TOM1: variants seen among roughly 807,000 people sequenced by gnomAD.
TOM1 encodes target of Myb protein 1.
In TOM1, 38 loss-of-function variants were observed where a neutral mutation model predicts 61.3. The observed-to-expected ratio is 0.62, with a 90% confidence interval of 0.48 to 0.81. The LOEUF (loss-of-function observed/expected upper bound fraction) is 0.81. Among genes scored for constraint, TOM1 ranks in the 40% least tolerant of loss-of-function variants. The pLI is 0.00. For synonymous variants in TOM1, 270 were observed against 268.8 expected (o/e 1.00, Z -0.04); for missense variants, 591 against 659.6 (o/e 0.90, Z 1.14).
At chr22:35,341,665 T>G (rs1045623073) in intron 12 of TOM1, among the ~76,000 whole-genome samples, 1 of 152,138 alleles carries the variant, frequency 6.6e-6, no homozygotes, top group Admixed American at 6.5e-5. Context: ...CAGGGTTCAC[T>G]TCCCTAGGGG....
chr22:35,323,308 G>T lies in TOM1; in HGVS notation c.366+131G>T. The T allele has an allele frequency of 1.4e-6, 2 of 1,432,278 alleles. No individual in the cohort carries two copies. Among genetic ancestry groups the T allele is most frequent in the Non-Finnish European group, 1.9e-6 (2 of 1,051,570 alleles). 88.7% of individuals were successfully genotyped at this position (1,432,278 alleles called of 1,614,324 possible). A position where few individuals can be genotyped will look rare whatever the true frequency, so the allele number is the denominator to read the frequency against. ...CTCATTTCGGGGCGTCTCGGTTGTC[G>T]GCTGGTGGGATGTTCTGTGGGGAGG... is the stretch of plus-strand genomic sequence containing the variant. On this transcript the variant is annotated intron_variant, in intron 4 of 14. Coordinates refer to ENST00000449058, the MANE Select transcript of TOM1 (RefSeq NM_005488.3). The surrounding 1 kb of genome is among the most constrained non-coding windows in gnomAD (Gnocchi z 4.2).
intron 12 of TOM1, among the ~76,000 whole-genome samples, chr22:35,340,237 G>A (rs1243665476): frequency 6.6e-6 from 1 of 152,210 alleles, no homozygotes; most frequent in African/African-American, 2.4e-5. Flanking sequence ...TGGGGCCGAG[G>A]AGGCTAGAGG....
upstream of TOM1, chr22:35,299,540 C>T (rs1925517639): frequency 7.7e-6 from 2 of 261,176 alleles, no homozygotes; most frequent in Non-Finnish European, 1.5e-5. Flanking sequence ...AGGGCTATGA[C>T]CCTAAGAGTC....
chr22:35,323,703 C>T lies in TOM1; in HGVS notation c.502-65C>T, dbSNP rs1363148731. The T allele has an allele frequency of 6.2e-7, 1 of 1,606,716 alleles. No homozygotes were observed. On this transcript the variant is annotated intron_variant, in intron 5 of 14. Transcript: ENST00000449058. The surrounding 1 kb of genome is among the most constrained non-coding windows in gnomAD (Gnocchi z 4.2). Reference sequence around the variant, plus strand: ...ATCCCCAGAGACATCACCAGGCTGGCCCCTGACTTCCTGGGCTCTTGATGT... The same window carrying T: ...ATCCCCAGAGACATCACCAGGCTGGTCCCTGACTTCCTGGGCTCTTGATGT...
chr22:35,307,699 T>C (rs1248637878), intron 1 of TOM1, among the ~76,000 whole-genome samples: 3 of 152,000 alleles, frequency 2.0e-5, no homozygotes, highest in Non-Finnish European at 4.4e-5. Context: ...GCCTGGAGTC[T>C]TCCCAGAAGG....
chr22:35,330,156 C>T (rs1389660749), intron 7 of TOM1, among the ~76,000 whole-genome samples, 191 bp from the exon 8 acceptor site: 2 of 152,064 alleles, frequency 1.3e-5, no homozygotes, highest in Non-Finnish European at 2.9e-5. Context: ...TGGTGGCAGA[C>T]GCCTGTAGTC....
chr22:35,334,230 C>T (rs1425847460), intron 10 of TOM1, 98 bp from the exon 11 acceptor site: 2 of 1,503,130 alleles, frequency 1.3e-6, no homozygotes, highest in Non-Finnish European at 1.8e-6. Context: ...GTGCCACTTC[C>T]CCAGCACCAA....
chr22:35,315,674 G>A lies in TOM1; in HGVS notation c.53-2203G>A, dbSNP rs73170201. Among the ~76,000 whole-genome samples, 1,445 of 152,324 alleles carry A rather than the reference G, an allele frequency of 9.5e-3. 12 individuals are homozygous for A. Among genetic ancestry groups the A allele is most frequent in the Non-Finnish European group, 0.015 (994 of 68,038 alleles). ...TGTGTCCTGGGCCACCCTGGCATCC[G>A]TCTGGCTCAGGACCTGAGGGTAGAA... is the stretch of plus-strand genomic sequence containing the variant. On this transcript the variant is annotated intron_variant, in intron 1 of 14. Transcript: ENST00000449058.
intron 12 of TOM1, 75 bp downstream of exon 12, chr22:35,338,863 G>C: frequency 7.2e-7 from 1 of 1,380,326 alleles, no homozygotes; most frequent in Non-Finnish European, 9.7e-7. Context: ...ACTGGGTGCC[G>C]TTGTGGGCCA....
In TOM1 at chr22:35,317,973, C is replaced by G. The variant is rs200266300; in HGVS notation, c.137+12C>G. 4 of 1,611,896 alleles carry G rather than the reference C, an allele frequency of 2.5e-6. No individual in the cohort carries two copies. In the African/African-American group the frequency reaches 5.3e-5, roughly 21 times the overall value. Reference sequence around the variant, plus strand: ...GAGACGGAGGAAGGGTAAGGGCCCCCCAAGGAGAGGTTGGGGGCAGAGACG... The same window carrying G: ...GAGACGGAGGAAGGGTAAGGGCCCCGCAAGGAGAGGTTGGGGGCAGAGACG... On this transcript the variant is annotated intron_variant, in intron 2 of 14. Transcript: ENST00000449058.
chr22:35,329,801 G>A (rs79840063), intron 7 of TOM1, among the ~76,000 whole-genome samples: 6,995 of 152,166 alleles, frequency 0.046, 491 homozygotes, highest in African/African-American at 0.15. Context: ...AAGTTAAACC[G>A]GCAGCACAGT....
intron 1 of TOM1, among the ~76,000 whole-genome samples, chr22:35,317,193 T>G (rs1227979392): frequency 6.6e-6 from 1 of 152,166 alleles, no homozygotes; most frequent in African/African-American, 2.4e-5. Context: ...CTTTTTTGCT[T>G]GTTTGTTTGT....
At chr22:35,322,344 C>T (rs927181067) in intron 3 of TOM1, 16 of 343,238 alleles carry the variant, frequency 4.7e-5, no homozygotes, top group African/African-American at 1.0e-4. Flanking sequence ...CAGGCCTCCG[C>T]GGGGGCAGGG....
At chr22:35,316,180 G>A (rs1453469165) in intron 1 of TOM1, among the ~76,000 whole-genome samples, 1 of 152,266 alleles carries the variant, frequency 6.6e-6, no homozygotes, top group Non-Finnish European at 1.5e-5. Flanking sequence ...CTTTGCATGT[G>A]ACACTTGCAG....
intron 1 of TOM1, among the ~76,000 whole-genome samples, chr22:35,308,365 C>A (rs1926529340): frequency 6.7e-6 from 1 of 150,338 alleles, no homozygotes; most frequent in South Asian, 2.1e-4. Context: ...CTCACTGTAA[C>A]CTCCACCTCC....
rs756006812 is a variant in TOM1, at chr22:35,322,077, T to C, written c.216+40T>C. The C allele has an allele frequency of 2.5e-6, 4 of 1,595,130 alleles. No homozygotes were observed. The South Asian group carries it at 4.4e-5, about 18-fold the overall frequency. On this transcript the variant is annotated intron_variant, in intron 3 of 14. Transcript: ENST00000449058. ...TGTCTGTCCTGTGGCAGGACTACGG[T>C]CCACTGAAAGTCACCTCCCCTCAGA...
intron 12 of TOM1, among the ~76,000 whole-genome samples, chr22:35,340,625 T>C (rs1929794454): frequency 6.6e-6 from 1 of 152,046 alleles, no homozygotes; most frequent in Non-Finnish European, 1.5e-5. Flanking sequence ...CGCACACCTT[T>C]AGTCCCAGCT....
At chr22:35,324,065 A>G in intron 6 of TOM1, 151 bp downstream of exon 6, 2 of 999,668 alleles carry the variant, frequency 2.0e-6, no homozygotes, top group Non-Finnish European at 2.8e-6. Flanking sequence ...TGTTTGAGCG[A>G]TGAGACTCAG....
chr22:35,343,270 C>G (rs111165353), intron 12 of TOM1, among the ~76,000 whole-genome samples: 197 of 6,920 alleles, frequency 0.028, no homozygotes, highest in South Asian at 0.044. Flanking sequence ...CACACCTCCA[C>G]TCATACACCT....
Sources: gnomAD v4.1 joint callset for allele counts (sites outside exome capture counted in the v4.1 genomes callset) on GRCh38, gnomAD v4.1.1 for gene constraint, Gnocchi (gnomAD v3.1) non-coding constraint, MANE v1.5 for transcripts, NCBI Gene and HGNC (gene_info 2026-07-23, HGNC 2026-07-21) for gene names.